MTMR3: variants seen among roughly 807,000 people sequenced by gnomAD.
The protein encoded by MTMR3 is phosphatidylinositol-3,5-bisphosphate 3-phosphatase MTMR3.
In MTMR3, 32 loss-of-function variants were observed where a neutral mutation model predicts 132.4. The observed-to-expected ratio is 0.24, with a 90% CI of 0.18 to 0.32. The LOEUF (loss-of-function observed/expected upper bound fraction) is 0.32, where lower values mean the gene tolerates loss of function less well. Among genes scored for constraint, MTMR3 ranks in the 10% least tolerant of loss-of-function variants. MTMR3 has a pLI of 1.00. For missense variants in MTMR3, 1,216 were observed against 1,489.6 expected, an observed-to-expected ratio of 0.82 and a Z score of 3.02; for synonymous variants, 556 against 550.3, an observed-to-expected ratio of 1.01 and a Z score of -0.14.
chr22:29,918,162 T>C (rs1034933652), intron 1 of MTMR3, among the ~76,000 whole-genome samples: 3 of 152,218 alleles, frequency 2.0e-5, no homozygotes, highest in East Asian at 1.9e-4. Flanking sequence ...GCTGGTGTTA[T>C]TTGGCATGAG....
chr22:30,019,448 A>C (rs540598198), intron 16 of MTMR3, 32 bp from the exon 17 acceptor site: 7 of 1,563,538 alleles, frequency 4.5e-6, no homozygotes, highest in Non-Finnish European at 6.0e-6. Flanking sequence ...AGTTTCCAAG[A>C]TTTTCATTTC....
At chr22:29,949,125 ACACACACACACACACACACCCC>A (rs1401917431) in intron 1 of MTMR3, among the ~76,000 whole-genome samples, 28 of 29,726 alleles carry the variant, frequency 9.4e-4, no homozygotes, top group African/African-American at 5.0e-3. Flanking sequence ...ACACACACAC[ACACACACACACACACACACCCC>A]CCCCCCCCCC....
rs369187769 is a variant in MTMR3, at chr22:30,020,758, G to T, written c.3099G>T (p.Gln1033His). Residue 1033 changes from glutamine to histidine, a missense_variant, in exon 17 of 20, where the codon CAG becomes CAT. Gln to His is a conservative substitution (Grantham distance 24). Around this residue, in one of 7 missense-constraint regions of MTMR3, gnomAD observed 852 missense variants for 852.0 expected, o/e 1.00. Transcript: ENST00000401950. ...YTDTIQQRLRQIESGHQQEVE... is the reference protein window; with the variant it reads ...YTDTIQQRLRHIESGHQQEVE... Reference sequence around the variant, plus strand: ...ACACGATCCAACAGCGCCTGCGTCAGATTGAGTCAGGCCACCAGCAGGAAG... The same window carrying T: ...ACACGATCCAACAGCGCCTGCGTCATATTGAGTCAGGCCACCAGCAGGAAG... The T allele has an allele frequency of 6.2e-7, 1 of 1,614,216 alleles. No homozygotes were observed. Among genetic ancestry groups the T allele is most frequent in the Non-Finnish European group, 8.5e-7 (1 of 1,180,032 alleles).
At chr22:29,947,999 T>G (rs189850845) in intron 1 of MTMR3, among the ~76,000 whole-genome samples, 1 of 152,200 alleles carries the variant, frequency 6.6e-6, no homozygotes, top group East Asian at 1.9e-4. Flanking sequence ...TATTGGAGGT[T>G]GTTGGTGTTT....
chr22:29,904,398 G>A (rs1041851147), intron 1 of MTMR3, among the ~76,000 whole-genome samples: 1 of 152,216 alleles, frequency 6.6e-6, no homozygotes, highest in Non-Finnish European at 1.5e-5. Flanking sequence ...CATCAGGTTG[G>A]ATGCTGTTTC....
intron 2 of MTMR3, among the ~76,000 whole-genome samples, chr22:29,966,607 T>C (rs2066420555): frequency 6.6e-6 from 1 of 152,172 alleles, no homozygotes; most frequent in East Asian, 1.9e-4. Context: ...CATTCTATAC[T>C]AGTTCATTTT....
At chr22:29,981,251 G>A (rs1482554081) in intron 5 of MTMR3, 4 of 152,182 alleles carry the variant, frequency 2.6e-5, no homozygotes, top group African/African-American at 9.7e-5. Flanking sequence ...ATGAATTGAA[G>A]TTAATGTGGG....
chr22:30,021,787 T>C (rs1305184454), intron 17 of MTMR3: 2 of 477,268 alleles, frequency 4.2e-6, no homozygotes, highest in Non-Finnish European at 7.5e-6. Flanking sequence ...TCTGGAACCC[T>C]GAGGGCCTGT....
intron 1 of MTMR3, among the ~76,000 whole-genome samples, chr22:29,947,910 T>A (rs2065982799): frequency 2.0e-5 from 3 of 152,144 alleles, no homozygotes; most frequent in Non-Finnish European, 4.4e-5. Context: ...TTTTGGCCAT[T>A]TAATAATCTG....
At chr22:29,991,719 T>G (rs1432777326) in intron 7 of MTMR3, 49 bp downstream of exon 7, 1 of 1,495,874 alleles carries the variant, frequency 6.7e-7, no homozygotes. Flanking sequence ...ATCAAGCTAC[T>G]GATGGAGGTA....
At chr22:29,990,611 C>T (rs1320657213) in intron 6 of MTMR3, 1 of 152,168 alleles carries the variant, frequency 6.6e-6, no homozygotes, top group African/African-American at 2.4e-5. Flanking sequence ...GACAGAGCCT[C>T]ACTCTGTTGC....
chr22:29,925,685 A>G (rs917735802), intron 1 of MTMR3, among the ~76,000 whole-genome samples: 1 of 151,816 alleles, frequency 6.6e-6, no homozygotes, highest in African/African-American at 2.4e-5. Flanking sequence ...GGAGGCTGAG[A>G]TGGGTGGATC....
chr22:29,897,097 T>G (rs1166765068), intron 1 of MTMR3, among the ~76,000 whole-genome samples: 1 of 152,002 alleles, frequency 6.6e-6, no homozygotes, highest in East Asian at 1.9e-4. Flanking sequence ...TCTTTTTTTT[T>G]TGAGTTGGAG....
chr22:30,020,549 G>A lies in MTMR3; in HGVS notation c.2890G>A (p.Gly964Ser), dbSNP rs1462092856. 19 of 1,614,084 alleles carry A rather than the reference G, an allele frequency of 1.2e-5. No individual in the cohort carries two copies. The highest frequency in any genetic ancestry group is 1.4e-5 in the Non-Finnish European group (17 of 1,180,054). The change falls in exon 17 of 20, where the codon GGT (glycine) becomes AGT (serine). Residue 964 changes from glycine (G) to serine (S), a missense_variant. Physicochemically the swap from Gly to Ser is moderately conservative, Grantham distance 56 (BLOSUM62 0). Around this residue, in one of 7 missense-constraint regions of MTMR3, gnomAD observed 852 missense variants for 852.0 expected, o/e 1.00. Transcript: ENST00000401950. ...TGGGCATTGCGCCAATGGGGAGGCT[G>A]GTAGGAGCAAGGACTCACTGAGCCG... Reference protein sequence around the residue: ...PNGHCANGEAGRSKDSLSRQL... With the variant: ...PNGHCANGEASRSKDSLSRQL...
At chr22:29,990,598 T>C (rs1056017472) in intron 6 of MTMR3, 9 of 152,202 alleles carry the variant, frequency 5.9e-5, no homozygotes, top group African/African-American at 2.2e-4. Context: ...TTTATTTTCT[T>C]GAGACAGAGC....
intron 1 of MTMR3, among the ~76,000 whole-genome samples, chr22:29,956,715 A>G (rs1053291190): frequency 6.6e-6 from 1 of 152,148 alleles, no homozygotes; most frequent in Non-Finnish European, 1.5e-5. Context: ...ATTGGCAACG[A>G]TTTACCCAAG....
chr22:30,009,399 A>ACAG (rs1307476324), intron 12 of MTMR3: 1 of 379,868 alleles, frequency 2.6e-6, no homozygotes, highest in Non-Finnish European at 4.8e-6. Context: ...CAGCATCAAA[A>ACAG]CAGAAGCATT....
chr22:29,937,027 G>A (rs1276632270), intron 1 of MTMR3, among the ~76,000 whole-genome samples: 2 of 151,706 alleles, frequency 1.3e-5, no homozygotes, highest in Admixed American at 1.3e-4. Flanking sequence ...TAAATTTTTT[G>A]TCAAGCACCC....
chr22:29,923,964 C>G (rs2065468514), intron 1 of MTMR3, among the ~76,000 whole-genome samples: 1 of 152,166 alleles, frequency 6.6e-6, no homozygotes, highest in Non-Finnish European at 1.5e-5. Flanking sequence ...ATGTAATTTG[C>G]AGGTATTTTC....
Sources: allele counts gnomAD v4.1 joint callset (sites outside exome capture counted in the v4.1 genomes callset), GRCh38; gene constraint gnomAD v4.1.1; regional missense constraint gnomAD v4.1.1; transcripts MANE v1.5; gene names NCBI Gene and HGNC (gene_info 2026-07-23, HGNC 2026-07-21).